The following ZNF385D variants were observed in gnomAD, a reference collection of about 807,000 sequenced individuals.
ZNF385D encodes the protein zinc finger protein 659.
A neutral mutation model predicts 35.8 loss-of-function variants in ZNF385D; 15 were observed. That is an observed-to-expected ratio of 0.42 (90% CI 0.28 to 0.64). The LOEUF is 0.64. ZNF385D is among the 30% of genes least tolerant of loss of function. ZNF385D has a pLI of 0.23. For missense variants in ZNF385D, 474 were observed against 494.6 expected, an observed-to-expected ratio of 0.96 and a Z score of 0.39; for synonymous variants, 212 against 186.8, an observed-to-expected ratio of 1.13 and a Z score of -1.10.
At chr3:21,595,071 G>A (rs917578704) in intron 2 of ZNF385D, among the ~76,000 whole-genome samples, 1 of 152,134 alleles carries the variant, frequency 6.6e-6, no homozygotes, top group Non-Finnish European at 1.5e-5. Flanking sequence ...GGTCTTAATA[G>A]AACTTAAACT....
chr3:21,930,440 G>A lies in ZNF385D; in HGVS notation c.325+238377C>T, dbSNP rs1162208271. 2.0e-5 allele frequency among the ~76,000 whole-genome samples: 3 copies of A among 151,946 alleles called. No individual in the cohort carries two copies. The East Asian group carries it at 5.8e-4, about 29-fold the overall frequency. ...AACAAAATAAAGAAATAGATACTCTGGACTTCACTCTAATTTCAAAAATTT... is the reference window on the plus strand; with the variant it reads ...AACAAAATAAAGAAATAGATACTCTAGACTTCACTCTAATTTCAAAAATTT... On this transcript the variant is annotated intron_variant, in intron 3 of 5. Transcript: ENST00000494108.
chr3:21,765,404 C>T (rs773827638), intron 3 of ZNF385D, among the ~76,000 whole-genome samples: 1 of 152,086 alleles, frequency 6.6e-6, no homozygotes, highest in East Asian at 1.9e-4. Flanking sequence ...ATACACAGGG[C>T]TTTCTCACTC....
At chr3:22,126,310 GT>G (rs57457479) in intron 3 of ZNF385D, among the ~76,000 whole-genome samples, 20,528 of 100,142 alleles carry the variant, frequency 0.2, 1,175 homozygotes, top group African/African-American at 0.3. Context: ...TTTGAAAGTT[GT>G]TTTTTTTTTT....
At chr3:22,046,687 T>C (rs552948142) in intron 3 of ZNF385D, among the ~76,000 whole-genome samples, 24 of 152,302 alleles carry the variant, frequency 1.6e-4, no homozygotes, top group African/African-American at 5.1e-4. Context: ...GTTCATTAAT[T>C]CGCTCAAGAA....
intron 3 of ZNF385D, among the ~76,000 whole-genome samples, chr3:22,104,001 C>T (rs1383501892): frequency 1.3e-5 from 2 of 152,044 alleles, no homozygotes; most frequent in Admixed American, 6.6e-5. Context: ...TTATATATTA[C>T]ATGTACAATA....
chr3:21,861,737 G>A (rs1697064770), intron 3 of ZNF385D, among the ~76,000 whole-genome samples: 1 of 152,104 alleles, frequency 6.6e-6, no homozygotes, highest in Non-Finnish European at 1.5e-5. Flanking sequence ...TGAGAAGTAT[G>A]AAAATTTGGA....
At chr3:21,965,839 T>C (rs769415251) in intron 3 of ZNF385D, among the ~76,000 whole-genome samples, 1 of 151,836 alleles carries the variant, frequency 6.6e-6, no homozygotes. Context: ...CTCAAAAATA[T>C]GGAAGAAAGA....
chr3:21,766,880 G>C (rs1441084681), intron 3 of ZNF385D, among the ~76,000 whole-genome samples: 5 of 152,056 alleles, frequency 3.3e-5, no homozygotes, highest in African/African-American at 4.8e-5. Context: ...AAGGATTTGT[G>C]GCTATGGGTA....
intron 2 of ZNF385D, among the ~76,000 whole-genome samples, chr3:22,328,802 G>T (rs1482983711): frequency 2.6e-5 from 4 of 151,358 alleles, no homozygotes; most frequent in South Asian, 2.1e-4. Flanking sequence ...TTGGCCGGGC[G>T]CGGTGGCTCA....
chr3:21,561,487 C>A (rs1288426697), intron 3 of ZNF385D, among the ~76,000 whole-genome samples: 2 of 152,146 alleles, frequency 1.3e-5, no homozygotes, highest in African/African-American at 4.8e-5. Flanking sequence ...CACTGTCCAA[C>A]CAGTCCCAAT....
intron 3 of ZNF385D, among the ~76,000 whole-genome samples, chr3:22,056,920 T>A (rs1274820285): frequency 2.6e-5 from 4 of 152,174 alleles, no homozygotes; most frequent in East Asian, 1.9e-4. Flanking sequence ...AATCATAAAG[T>A]CTCTAATCAC....
At chr3:22,221,045 G>A (rs1013675953) in intron 2 of ZNF385D, among the ~76,000 whole-genome samples, 1 of 151,620 alleles carries the variant, frequency 6.6e-6, no homozygotes, top group Non-Finnish European at 1.5e-5. Context: ...TCCAGAACAT[G>A]ACAGCAATAG....
At chr3:21,801,130 T>C (rs1203914867) in intron 3 of ZNF385D, among the ~76,000 whole-genome samples, 1 of 152,202 alleles carries the variant, frequency 6.6e-6, no homozygotes, top group Non-Finnish European at 1.5e-5. Flanking sequence ...CATTGATTCA[T>C]TGATTTCATA....
intron 3 of ZNF385D, among the ~76,000 whole-genome samples, chr3:21,983,129 C>G (rs953165686): frequency 1.1e-4 from 16 of 148,914 alleles, no homozygotes; most frequent in Admixed American, 2.7e-4. Flanking sequence ...AGGAGTCCCT[C>G]CTCCTCAATT....
At chr3:21,991,136 C>T (rs1002279908) in intron 3 of ZNF385D, among the ~76,000 whole-genome samples, 3 of 152,138 alleles carry the variant, frequency 2.0e-5, no homozygotes, top group African/African-American at 7.2e-5. Flanking sequence ...GTGAGGGAGA[C>T]TTTCCTTTGC....
intron 3 of ZNF385D, among the ~76,000 whole-genome samples, chr3:22,093,418 T>C (rs1165349000): frequency 2.0e-5 from 3 of 151,814 alleles, no homozygotes. Flanking sequence ...ATTAAATTTA[T>C]TTTACTTAAT....
intron 2 of ZNF385D, among the ~76,000 whole-genome samples, chr3:22,228,017 A>G (rs1168908702): frequency 1.3e-5 from 2 of 152,026 alleles, no homozygotes; most frequent in Non-Finnish European, 2.9e-5. Flanking sequence ...ACTAAGCCCA[A>G]ATTTTGAGGT....
intron 3 of ZNF385D, among the ~76,000 whole-genome samples, chr3:21,970,026 T>C (rs901317678): frequency 1.3e-5 from 2 of 152,284 alleles, no homozygotes; most frequent in South Asian, 4.1e-4. Context: ...AAGGCAGATA[T>C]AGCTGCGGTG....
At chr3:21,703,402 T>G (rs966025159) in intron 1 of ZNF385D, among the ~76,000 whole-genome samples, 4 of 152,114 alleles carry the variant, frequency 2.6e-5, no homozygotes, top group African/African-American at 4.8e-5. Flanking sequence ...GAATTCAGCT[T>G]GAGATTTGGG....
Sources: allele counts gnomAD v4.1 joint callset (sites outside exome capture counted in the v4.1 genomes callset), GRCh38; gene constraint gnomAD v4.1.1; transcripts MANE v1.5; gene names NCBI Gene and HGNC (gene_info 2026-07-23, HGNC 2026-07-21).